The following TRPC6 variants were observed in gnomAD, a reference collection of about 807,000 sequenced individuals.
TRPC6 encodes transient receptor potential cation channel subfamily C member 6.
In TRPC6, 55 loss-of-function variants were observed where a neutral mutation model predicts 90.7. The ratio of observed to expected loss-of-function variants is 0.61; its 90% CI spans 0.49 to 0.76. The LOEUF is 0.76. Among genes scored for constraint, TRPC6 ranks in the 30% least tolerant of loss-of-function variants. TRPC6 has a pLI of 0.00. For missense variants in TRPC6, 989 were observed against 1,122.7 expected, an observed-to-expected ratio of 0.88 and a Z score of 1.70; for synonymous variants, 393 against 393.0, an observed-to-expected ratio of 1.00 and a Z score of 0.00.
chr11:101,504,347 C>CA lies in TRPC6; in HGVS notation c.621dup (p.Ala208CysfsTer3). 6.2e-7 allele frequency: 1 copy of CA among 1,614,096 alleles called. No homozygotes were observed. The highest frequency in any genetic ancestry group is 8.5e-7 in the Non-Finnish European group (1 of 1,179,980). On this transcript the variant is annotated frameshift_variant, in exon 2 of 13. Transcript: ENST00000344327. LOFTEE classifies it high-confidence loss of function. ...AACCGTGTCCCATCTTCATCATAGG[C>CA]ATAAAAATCATCTTGCTGGAGTTCA...
At chr11:101,544,130 T>C (rs1052197998) in intron 1 of TRPC6, among the ~76,000 whole-genome samples, 5 of 152,054 alleles carry the variant, frequency 3.3e-5, no homozygotes, top group African/African-American at 1.2e-4. Flanking sequence ...AATGAAAAAA[T>C]GCTCATCATC....
At chr11:101,517,822 A>G (rs926245408) in intron 1 of TRPC6, among the ~76,000 whole-genome samples, 2 of 152,218 alleles carry the variant, frequency 1.3e-5, no homozygotes, top group Middle Eastern at 3.2e-3. Flanking sequence ...GATCATTTTT[A>G]TTCCAAAATG....
At chr11:101,533,454 C>T (rs1860958623) in intron 1 of TRPC6, among the ~76,000 whole-genome samples, 1 of 152,142 alleles carries the variant, frequency 6.6e-6, no homozygotes, top group Non-Finnish European at 1.5e-5. Context: ...AAAGACAGTG[C>T]CAAGCCATGA....
intron 1 of TRPC6, among the ~76,000 whole-genome samples, chr11:101,544,524 T>C (rs1215077330): frequency 5.3e-5 from 8 of 152,176 alleles, no homozygotes; most frequent in African/African-American, 9.7e-5. Flanking sequence ...TTGTGGCTCA[T>C]ATACACCATG....
intron 1 of TRPC6, among the ~76,000 whole-genome samples, chr11:101,530,304 C>T (rs1054628151): frequency 6.6e-6 from 1 of 152,040 alleles, no homozygotes; most frequent in African/African-American, 2.4e-5. Flanking sequence ...CCCTGGGAAG[C>T]AGGCTTGCTG....
At chr11:101,495,022 C>G (rs1054727652) in intron 2 of TRPC6, among the ~76,000 whole-genome samples, 27 of 152,184 alleles carry the variant, frequency 1.8e-4, no homozygotes, top group African/African-American at 6.5e-4. Flanking sequence ...GAATGCAGCT[C>G]TATGATTTTG....
chr11:101,539,144 G>A (rs943648018), intron 1 of TRPC6, among the ~76,000 whole-genome samples: 6 of 152,110 alleles, frequency 3.9e-5, no homozygotes, highest in African/African-American at 1.4e-4. Flanking sequence ...AATGTTTTTC[G>A]TTTCTTTCCA....
chr11:101,551,076 T>C (rs1274619506), intron 1 of TRPC6, among the ~76,000 whole-genome samples: 3 of 151,928 alleles, frequency 2.0e-5, no homozygotes, highest in East Asian at 1.9e-4. Flanking sequence ...TCAGTATCCA[T>C]AGTCTAGTTT....
chr11:101,477,293 C>T (rs1859439723), intron 5 of TRPC6, among the ~76,000 whole-genome samples: 1 of 151,736 alleles, frequency 6.6e-6, no homozygotes. Flanking sequence ...CTTGCCATTT[C>T]CTCTCACAAG....
chr11:101,546,050 CTTTTTTTTTTTTTTT>C (rs1166182552), intron 1 of TRPC6, among the ~76,000 whole-genome samples: 20 of 29,694 alleles, frequency 6.7e-4, no homozygotes, highest in Non-Finnish European at 1.2e-4. Flanking sequence ...ATTTATAACT[CTTTTTTTTTTTTTTT>C]TTTTTTTTTT....
rs41302373 is a variant in TRPC6 at position 101,455,666 on chromosome 11, A to G, written c.2485-565T>C. The G allele has an allele frequency of 3.4e-3, 526 of 152,672 alleles. 3 individuals are homozygous for G. The highest frequency in any genetic ancestry group is 4.8e-3 in the Non-Finnish European group (327 of 68,236). The allele number at this position is 152,672 out of a possible 1,614,324, so 9.5% of individuals were successfully genotyped here. A position where few individuals can be genotyped will look rare whatever the true frequency, so the allele number is the denominator to read the frequency against. ...TAAAATACATTAACCCAAATAGGCA[A>G]ATAACAAAAAATTAAAGCAATCTGC... On this transcript the variant is annotated intron_variant, in intron 10 of 12. Coordinates refer to ENST00000344327, the MANE Select transcript of TRPC6 (RefSeq NM_004621.6).
intron 4 of TRPC6, among the ~76,000 whole-genome samples, chr11:101,485,852 CCT>C (rs1357012414): frequency 6.6e-6 from 1 of 152,058 alleles, no homozygotes; most frequent in East Asian, 1.9e-4. Context: ...AACTCTGGAA[CCT>C]TAGTTTCACT....
chr11:101,536,161 C>T (rs778386075), intron 1 of TRPC6, among the ~76,000 whole-genome samples: 5 of 152,064 alleles, frequency 3.3e-5, no homozygotes, highest in African/African-American at 9.7e-5. Context: ...CCAAGATGGG[C>T]GGATCATCTG....
intron 5 of TRPC6, among the ~76,000 whole-genome samples, chr11:101,480,065 C>T (rs2136685537): frequency 6.6e-6 from 1 of 152,144 alleles, no homozygotes; most frequent in East Asian, 1.9e-4. Flanking sequence ...GTAATCCCAG[C>T]TACTCGGGAG....
chr11:101,483,066 A>G lies in TRPC6; in HGVS notation c.1393T>C (p.Phe465Leu). 1.2e-6 allele frequency: 2 copies of G among 1,614,054 alleles called. No homozygotes were observed. The highest frequency in any genetic ancestry group is 1.7e-6 in the Non-Finnish European group (2 of 1,179,948). The change falls in exon 5 of 13, where the codon TTT becomes CTT. Residue 465 changes from phenylalanine to leucine, a missense_variant. Physicochemically the swap from Phe to Leu is conservative, Grantham distance 22. Transcript: ENST00000344327. ...TTAGGAAGGAGTTTTGTGCCTTCAA[A>G]TCTGTCAGCTGCATTCATGACTAGC... ...GLLVMNAADRFEGTKLLPNET... is the reference protein window; with the variant it reads ...GLLVMNAADRLEGTKLLPNET...
intron 1 of TRPC6, among the ~76,000 whole-genome samples, chr11:101,510,035 G>T (rs1860362641): frequency 6.6e-6 from 1 of 152,084 alleles, no homozygotes; most frequent in Non-Finnish European, 1.5e-5. Flanking sequence ...AGCACCCCTT[G>T]CATGAGTAGT....
At chr11:101,454,958 A>T in intron 11 of TRPC6, 60 bp downstream of exon 11, 1 of 1,312,846 alleles carries the variant, frequency 7.6e-7, no homozygotes, top group Non-Finnish European at 1.1e-6. Flanking sequence ...AGAATCACAT[A>T]GTTCAAGAAC....
At chr11:101,536,169 C>T (rs1260693940) in intron 1 of TRPC6, among the ~76,000 whole-genome samples, 2 of 152,174 alleles carry the variant, frequency 1.3e-5, no homozygotes, top group African/African-American at 4.8e-5. Context: ...GGCGGATCAT[C>T]TGAGGTCAGG....
chr11:101,583,441 G>A lies in TRPC6; in HGVS notation c.63C>T (p.Ala21=). 1 of 1,545,450 alleles carries A rather than the reference G, an allele frequency of 6.5e-7. No homozygotes were observed. The highest frequency in any genetic ancestry group is 8.7e-7 in the Non-Finnish European group (1 of 1,144,836). The part of the protein sequence containing the change: ...RGSSPRGAAG[A]AARRNESQDY... The stretch of plus-strand genomic sequence containing the variant: ...CCTGGCTCTCGTTGCGCCGCGCAGC[G>A]GCTCCGGCAGCGCCCCGGGGAGAAC... Residue 21 remains alanine, a synonymous_variant, in exon 1 of 13, where the codon GCC becomes GCT. Coordinates refer to ENST00000344327, the MANE Select transcript of TRPC6 (RefSeq NM_004621.6).
Sources: gnomAD v4.1 joint callset for allele counts (sites outside exome capture counted in the v4.1 genomes callset) on GRCh38, gnomAD v4.1.1 for gene constraint, MANE v1.5 for transcripts, NCBI Gene and HGNC (gene_info 2026-07-23, HGNC 2026-07-21) for gene names.